Variants in FPR1 observed in about 807,000 individuals in gnomAD.
FPR1 encodes formyl peptide receptor 1.
For synonymous variants in FPR1, 193 were observed against 176.7 expected (o/e 1.09, Z -0.73); for missense variants, 407 against 453.0 (o/e 0.90, Z 0.92).
At chr19:51,750,694 T>G (rs1336473254) in intron 1 of FPR1, 1 of 152,228 alleles carries the variant, frequency 6.6e-6, no homozygotes, top group Non-Finnish European at 1.5e-5. Context: ...CAATTATGGT[T>G]CAAGGGAAAA....
chr19:51,751,536 C>A (rs1382890004), intron 1 of FPR1, among the ~76,000 whole-genome samples: 1 of 152,100 alleles, frequency 6.6e-6, no homozygotes, highest in Non-Finnish European at 1.5e-5. Flanking sequence ...ACGCCCACCA[C>A]CACGCCTGGC....
rs891068820 is a variant in FPR1 at position 51,746,231 on chromosome 19, G to C, written c.764C>G (p.Ser255Cys). The part of the protein sequence containing the change: ...FVAAAFFLCW[S>C]PYQVVALIAT... ...TATAAGGGCCACCACCTGATATGGG[G>C]ACCAGCAGAGAAAAAAGGCTGCTGC... is the stretch of plus-strand genomic sequence containing the variant. The change falls in exon 2 of 2, where the codon TCC becomes TGC. Residue 255 changes from serine to cysteine, a missense_variant. Coordinates refer to ENST00000304748, the MANE Select transcript of FPR1 (RefSeq NM_002029.4). This position sits in a 1 kb window ranked among gnomAD's most constrained non-coding sequence, Gnocchi z 4.3. 2 of 1,614,122 alleles carry C rather than the reference G, an allele frequency of 1.2e-6. No homozygotes were observed. The highest frequency in any genetic ancestry group is 2.2e-5 in the South Asian group (2 of 91,082).
rs1253740709 is a variant in FPR1 at position 51,746,077 on chromosome 19, C to T, written c.918G>A (p.Gln306=). ...LNPMLYVFMG[Q]DFRERLIHAL... Reference sequence around the variant, plus strand: ...CGTGGATCAGCCTCTCCCGGAAGTCCTGGCCCATGAAGACATAGAGCATGG... The same window carrying T: ...CGTGGATCAGCCTCTCCCGGAAGTCTTGGCCCATGAAGACATAGAGCATGG... The change falls in exon 2 of 2, where the codon CAG becomes CAA. Residue 306 remains glutamine, a synonymous_variant. Coordinates refer to ENST00000304748, the MANE Select transcript of FPR1 (RefSeq NM_002029.4). The surrounding 1 kb of genome is among the most constrained non-coding windows in gnomAD (Gnocchi z 4.3). 6.2e-7 allele frequency: 1 copy of T among 1,614,212 alleles called. No individual in the cohort carries two copies. Among genetic ancestry groups the T allele is most frequent in the African/African-American group, 1.3e-5 (1 of 75,052 alleles).
At chr19:51,747,651 A>G (rs2083756938) in intron 1 of FPR1, among the ~76,000 whole-genome samples, 1 of 152,248 alleles carries the variant, frequency 6.6e-6, no homozygotes, top group Non-Finnish European at 1.5e-5. Context: ...TAGAGAAAAC[A>G]TGTATTCAAA....
rs764850416 is a variant in FPR1 at position 51,746,710 on chromosome 19, C to A, written c.285G>T (p.Trp95Cys). Residue 95 changes from tryptophan to cysteine, a missense_variant, in exon 2 of 2, where the codon TGG becomes TGT. Coordinates refer to ENST00000304748, the MANE Select transcript of FPR1 (RefSeq NM_002029.4). This position sits in a 1 kb window ranked among gnomAD's most constrained non-coding sequence, Gnocchi z 4.3. ...TGGTAAAGACGAATTTGCACAGGAA[C>A]CAGCCGAAAGGCCAATGTCCTCCCA... ...KAMGGHWPFGWFLCKFVFTIV... is the reference protein window; with the variant it reads ...KAMGGHWPFGCFLCKFVFTIV... 8.1e-6 allele frequency: 13 copies of A among 1,614,040 alleles called. No homozygotes were observed. Among genetic ancestry groups the A allele is most frequent in the African/African-American group, 1.3e-5 (1 of 74,914 alleles).
In FPR1 at chr19:51,745,957, CT is replaced by C. The variant is rs2083740250; in HGVS notation, c.1037del (p.Glu346GlyfsTer24). ...TNSTLPSAEV[E>X]LQAK is the part of the protein sequence containing the mutation. Reference sequence around the variant, plus strand: ...AGCTCCCTCCTCACTTTGCCTGTAACTCCACCTCTGCAGAAGGTAAAGTAGA... The same window carrying C: ...AGCTCCCTCCTCACTTTGCCTGTAACCCACCTCTGCAGAAGGTAAAGTAGA... On this transcript the variant is annotated frameshift_variant, in exon 2 of 2. Transcript: ENST00000304748. LOFTEE classifies it high-confidence loss of function. 1 of 1,609,668 alleles carries C rather than the reference CT, an allele frequency of 6.2e-7. No homozygotes were observed. Among genetic ancestry groups the C allele is most frequent in the Admixed American group, 1.7e-5 (1 of 59,948 alleles).
At chr19:51,749,074 G>T (rs1190246541) in intron 1 of FPR1, among the ~76,000 whole-genome samples, 2 of 152,094 alleles carry the variant, frequency 1.3e-5, no homozygotes, top group East Asian at 3.9e-4. Flanking sequence ...AATTAGCCAG[G>T]CATGGCGGTG....
At chr19:51,748,167 AAAAG>A (rs745663754) in intron 1 of FPR1, among the ~76,000 whole-genome samples, 34 of 152,090 alleles carry the variant, frequency 2.2e-4, no homozygotes, top group Non-Finnish European at 3.8e-4. Context: ...AATGAAAGAA[AAAAG>A]AAAGGAAGGA....
intron 1 of FPR1, among the ~76,000 whole-genome samples, 182 bp downstream of exon 1, chr19:51,751,632 C>T (rs1381126830): frequency 6.6e-6 from 1 of 152,240 alleles, no homozygotes; most frequent in Non-Finnish European, 1.5e-5. Flanking sequence ...ATCCACCTGC[C>T]TTGGCCTCCC....
At chr19:51,747,218 C>A (rs62108943) in intron 1 of FPR1, among the ~76,000 whole-genome samples, 18,226 of 131,686 alleles carry the variant, frequency 0.14, 1,139 homozygotes, top group South Asian at 0.23. Flanking sequence ...GGCAAGATTA[C>A]ATCTTTTTTT....
At position 51,746,560 on chromosome 19, in the gene FPR1, CA is replaced by C; in HGVS notation, c.434del (p.Val145GlyfsTer7). 1 of 1,614,222 alleles carries C rather than the reference CA, an allele frequency of 6.2e-7. No individual in the cohort carries two copies. Among genetic ancestry groups the C allele is most frequent in the South Asian group, 1.1e-5 (1 of 91,084 alleles). On this transcript the variant is annotated frameshift_variant, in exon 2 of 2. Transcript: ENST00000304748. LOFTEE classifies it low-confidence loss of function (END_TRUNC). The surrounding 1 kb of genome is among the most constrained non-coding windows in gnomAD (Gnocchi z 4.3). ...GAGCCATCACCCAGGGCCCAATGATCACCTTCTTGGCCAGGCTCACGGTGCG... is the reference window on the plus strand; with the variant it reads ...GAGCCATCACCCAGGGCCCAATGATCCCTTCTTGGCCAGGCTCACGGTGCG... ...NHRTVSLAKKVIIGPWVMALL... is the reference protein window; with the variant it reads ...NHRTVSLAKKXIIGPWVMALL...
At chr19:51,745,764 A>C, downstream of FPR1, 1 of 575,550 alleles carries the variant, frequency 1.7e-6, no homozygotes, top group Admixed American at 3.2e-5. Context: ...TCAAAAAAGA[A>C]GTCAATAATA....
At chr19:51,747,292 T>C (rs146166585) in intron 1 of FPR1, among the ~76,000 whole-genome samples, 1,576 of 151,740 alleles carry the variant, frequency 0.01, 25 homozygotes, top group African/African-American at 0.032. Context: ...GATCTCTCAC[T>C]GCAACCTCCA....
intron 1 of FPR1, among the ~76,000 whole-genome samples, chr19:51,749,639 C>CT (rs557211024): frequency 1.3e-4 from 19 of 151,862 alleles, no homozygotes; most frequent in Admixed American, 6.6e-5. Context: ...GGCCTTCTCT[C>CT]TTTTTTTTAA....
Position 51,747,021 on chromosome 19 carries a change from C to T in FPR1, c.-11-16G>A, listed in dbSNP as rs1030572217. 2.6e-6 allele frequency: 4 copies of T among 1,553,448 alleles called. No homozygotes were observed. The highest frequency in any genetic ancestry group is 1.8e-5 in the Admixed American group (1 of 56,852). On this transcript the variant is annotated splice_polypyrimidine_tract_variant and intron_variant, in intron 1 of 1. Transcript: ENST00000304748. ...TTGTCTGCTCCTGAAATAGTGCAGT[C>T]GTGGTCATTCCTCAGTTATGAACCT...
intron 1 of FPR1, chr19:51,750,567 T>G (rs188192637): frequency 6.6e-6 from 1 of 152,272 alleles, no homozygotes; most frequent in Non-Finnish European, 1.5e-5. Flanking sequence ...CCCTGAGGAC[T>G]CTTTGTCCTC....
chr19:51,751,863 G>C lies in FPR1; in HGVS notation c.-61C>G, dbSNP rs1288849369. On this transcript the variant is annotated 5_prime_UTR_variant, in exon 1 of 2. Coordinates refer to ENST00000304748, the MANE Select transcript of FPR1 (RefSeq NM_002029.4). ...TTGCTCTGGGTAGTTCTAGGTCTGG[G>C]TCTCCTGGGGAGAGTGACTCAGGCT... The C allele has an allele frequency of 6.6e-6, 1 of 152,306 alleles. No individual in the cohort carries two copies. The highest frequency in any genetic ancestry group is 1.5e-5 in the Non-Finnish European group (1 of 68,158). 9.4% of individuals were successfully genotyped at this position (152,306 alleles called of 1,614,324 possible).
In FPR1 at chr19:51,746,770, G is replaced by A. The variant is rs1386393886; in HGVS notation, c.225C>T (p.Thr75=). ...TGACCATGAAGAATGGCAAAGTGGA[G>A]GTGAAACAGAAGTCAGCCACGGCCA... ...LNLAVADFCF[T]STLPFFMVRK... is the part of the protein sequence containing the mutation. Residue 75 remains threonine (T), a synonymous_variant, in exon 2 of 2, where the codon ACC becomes ACT. Coordinates refer to ENST00000304748, the MANE Select transcript of FPR1 (RefSeq NM_002029.4). The surrounding 1 kb of genome is among the most constrained non-coding windows in gnomAD (Gnocchi z 4.3). 1.2e-6 allele frequency: 2 copies of A among 1,614,150 alleles called. No individual in the cohort carries two copies. The highest frequency in any genetic ancestry group is 2.2e-5 in the South Asian group (2 of 91,080).
chr19:51,745,614 T>C (rs1164469336), downstream of FPR1: 3 of 251,898 alleles, frequency 1.2e-5, no homozygotes, highest in Non-Finnish European at 2.3e-5. Context: ...GATGCCAGAA[T>C]GATGGGTATC....
Sources: gnomAD v4.1 joint callset for allele counts (sites outside exome capture counted in the v4.1 genomes callset) on GRCh38, gnomAD v4.1.1 for gene constraint, Gnocchi (gnomAD v3.1) non-coding constraint, MANE v1.5 for transcripts, NCBI Gene and HGNC (gene_info 2026-07-23, HGNC 2026-07-21) for gene names.